The following IGSF10 variants were observed in gnomAD, a reference collection of about 807,000 sequenced individuals.
The protein encoded by IGSF10 is calvaria mechanical force protein 608.
In IGSF10, 126 loss-of-function variants were observed where a neutral mutation model predicts 128.2. The observed-to-expected ratio is 0.98, with a 90% CI of 0.85 to 1.14. The LOEUF is 1.14. Ranked by LOEUF, IGSF10 falls within the 50% of genes most tolerant of loss-of-function variation. The pLI, the probability that IGSF10 is intolerant of heterozygous loss-of-function variation, is 0.00. For synonymous variants in IGSF10, 1,185 were observed against 1,146.2 expected, an observed-to-expected ratio of 1.03 and a Z score of -0.68; for missense variants, 3,295 against 3,149.8, an observed-to-expected ratio of 1.05 and a Z score of -1.10.
chr3:151,432,549 G>A (rs1463508795), downstream of IGSF10, among the ~76,000 whole-genome samples: 1 of 152,232 alleles, frequency 6.6e-6, no homozygotes, highest in African/African-American at 2.4e-5. Context: ...ATTGGCAAGT[G>A]TGGACTGTGA....
the IGSF10 span, among the ~76,000 whole-genome samples, chr3:151,509,367 A>C: frequency 6.6e-6 from 1 of 152,220 alleles, no homozygotes; most frequent in Non-Finnish European, 1.5e-5. Flanking sequence ...AGTGCTATAC[A>C]CCTAAATTGG....
chr3:151,604,143 T>C, the IGSF10 span, among the ~76,000 whole-genome samples: 1 of 152,194 alleles, frequency 6.6e-6, no homozygotes, highest in Admixed American at 6.5e-5. Context: ...CTTTAAAGTA[T>C]AGTAAGTAAA....
the IGSF10 span, among the ~76,000 whole-genome samples, chr3:151,562,488 C>G: frequency 6.6e-6 from 1 of 152,016 alleles, no homozygotes; most frequent in Non-Finnish European, 1.5e-5. Flanking sequence ...ATCCAAGAAC[C>G]CTCTCTTGGG....
At chr3:151,558,005 A>AATATATATTAT in the IGSF10 span, among the ~76,000 whole-genome samples, 1 of 39,554 alleles carries the variant, frequency 2.5e-5, no homozygotes, top group African/African-American at 1.2e-4. Context: ...AAGTATATAT[A>AATATATATTAT]ATATATATAT....
rs199853821 is a variant in IGSF10, at chr3:151,448,386, T to G, written c.1595A>C (p.Lys532Thr). ...VSEDGRILID[K>T]SGKLELQMAD... is the part of the protein sequence containing the mutation. ...CATCTGGAGTTCCAATTTTCCACTT[T>G]TGTCTATTAGGATCCGTCCATCCTC... Residue 532 changes from lysine to threonine, a missense_variant, in exon 6 of 8, where the codon AAA becomes ACA. Lys to Thr is a moderately conservative substitution (Grantham distance 78). Transcript: ENST00000282466. 5.6e-6 allele frequency: 9 copies of G among 1,614,112 alleles called. No homozygotes were observed. Among genetic ancestry groups the G allele is most frequent in the Non-Finnish European group, 7.6e-6 (9 of 1,180,048 alleles).
the IGSF10 span, among the ~76,000 whole-genome samples, chr3:151,486,014 TAA>T: frequency 1.2e-4 from 19 of 152,212 alleles, 1 homozygote; most frequent in Admixed American, 1.0e-3. Context: ...GCAAATTGGA[TAA>T]AGAGTCAAGA....
intron 5 of IGSF10, among the ~76,000 whole-genome samples, chr3:151,449,538 ACCCAG>A (rs1346362201): frequency 1.3e-5 from 2 of 152,200 alleles, no homozygotes; most frequent in Non-Finnish European, 2.9e-5. Context: ...TATATTTGGT[ACCCAG>A]TAAATATTAG....
the IGSF10 span, among the ~76,000 whole-genome samples, chr3:151,592,813 G>A: frequency 2.0e-5 from 3 of 152,046 alleles, no homozygotes; most frequent in Non-Finnish European, 2.9e-5. Context: ...CTGTTGACTA[G>A]TCTACATACT....
the IGSF10 span, among the ~76,000 whole-genome samples, chr3:151,474,230 C>T: frequency 6.6e-6 from 1 of 152,224 alleles, no homozygotes; most frequent in Non-Finnish European, 1.5e-5. Context: ...GAATGTTGTA[C>T]TTATCTCACC....
chr3:151,474,171 T>C, the IGSF10 span, among the ~76,000 whole-genome samples: 1 of 152,138 alleles, frequency 6.6e-6, no homozygotes, highest in African/African-American at 2.4e-5. Flanking sequence ...CATGCAGCTT[T>C]AGATATTTTG....
chr3:151,510,221 C>A, the IGSF10 span, among the ~76,000 whole-genome samples: 1 of 152,214 alleles, frequency 6.6e-6, no homozygotes, highest in Non-Finnish European at 1.5e-5. Context: ...TGGGAGGCAA[C>A]CCCCAGTAGG....
At chr3:151,555,095 G>C in the IGSF10 span, among the ~76,000 whole-genome samples, 6 of 152,202 alleles carry the variant, frequency 3.9e-5, no homozygotes, top group Admixed American at 6.5e-5. Context: ...ACTTAGCAAA[G>C]GCTGGAAGAG....
chr3:151,612,526 A>G, the IGSF10 span, among the ~76,000 whole-genome samples: 2 of 152,188 alleles, frequency 1.3e-5, no homozygotes, highest in Non-Finnish European at 2.9e-5. Flanking sequence ...GAGCAATAAG[A>G]GTATAGAAGT....
intron 3 of IGSF10, among the ~76,000 whole-genome samples, chr3:151,457,550 A>C (rs1721852295): frequency 6.6e-6 from 1 of 152,178 alleles, no homozygotes; most frequent in African/African-American, 2.4e-5. Context: ...AGCAGTGGTT[A>C]AGAAGCCTGG....
chr3:151,572,968 T>A, the IGSF10 span, among the ~76,000 whole-genome samples: 1 of 152,228 alleles, frequency 6.6e-6, no homozygotes, highest in Non-Finnish European at 1.5e-5. Context: ...TTTTTTTCTG[T>A]CTTCATTTCA....
At chr3:151,528,318 C>G in the IGSF10 span, among the ~76,000 whole-genome samples, 1 of 152,088 alleles carries the variant, frequency 6.6e-6, no homozygotes, top group South Asian at 2.1e-4. Context: ...ATCCAGATTT[C>G]GAGGGGCCTA....
At chr3:151,506,186 C>T in the IGSF10 span, among the ~76,000 whole-genome samples, 3 of 152,194 alleles carry the variant, frequency 2.0e-5, no homozygotes, top group Non-Finnish European at 2.9e-5. Flanking sequence ...ATCTCCTGAC[C>T]TCATGTGCCA....
intron 7 of IGSF10, among the ~76,000 whole-genome samples, chr3:151,439,649 G>A (rs1225163651): frequency 6.6e-6 from 1 of 152,204 alleles, no homozygotes; most frequent in African/African-American, 2.4e-5. Flanking sequence ...GAATACCAAC[G>A]CAAGGTTCCT....
At position 151,436,448 on chromosome 3, in the gene IGSF10, T is replaced by G; in HGVS notation, c.*241A>C. ...AGTGAACCGTTTCAATGTTTGTTTA[T>G]TGTTATTTGTTGGCAAAATAAAAGT... On this transcript the variant is annotated 3_prime_UTR_variant, in exon 8 of 8. Coordinates refer to ENST00000282466, the MANE Select transcript of IGSF10 (RefSeq NM_178822.5). 5.3e-6 allele frequency: 2 copies of G among 378,074 alleles called. No homozygotes were observed. The highest frequency in any genetic ancestry group is 4.7e-6 in the Non-Finnish European group (1 of 211,534). The allele number at this position is 378,074 out of a possible 1,614,324, so 23.4% of individuals were successfully genotyped here.
Sources: gnomAD v4.1 joint callset for allele counts (sites outside exome capture counted in the v4.1 genomes callset) on GRCh38, gnomAD v4.1.1 for gene constraint, MANE v1.5 for transcripts, NCBI Gene and HGNC (gene_info 2026-07-23, HGNC 2026-07-21) for gene names.